ANKS1B: variants seen among roughly 807,000 people sequenced by gnomAD.
The protein encoded by ANKS1B is ankyrin repeat and sterile alpha motif domain containing 1B, also known as ankyrin repeat and sterile alpha motif domain-containing protein 1B.
Under a neutral mutation model 148.3 loss-of-function variants are expected in ANKS1B, and 36 were observed. That is an observed-to-expected ratio of 0.24 (90% CI 0.19 to 0.32). The LOEUF is 0.32. Among genes scored for constraint, ANKS1B ranks in the 10% least tolerant of loss-of-function variants. ANKS1B has a pLI of 1.00. For synonymous variants in ANKS1B, 542 were observed against 560.8 expected, an observed-to-expected ratio of 0.97 and a Z score of 0.47; for missense variants, 1,157 against 1,542.6, an observed-to-expected ratio of 0.75 and a Z score of 4.19.
rs534270577 is a variant in ANKS1B, at chr12:99,556,936, A to G, written c.1273-52295T>C. ...TATATTACATTGTTTTGGAGTGGAG[A>G]GTTCTGTAGATGTCTATTAAGTCCA... On this transcript the variant is annotated intron_variant, in intron 9 of 26. Coordinates refer to ENST00000683438, the MANE Select transcript of ANKS1B (RefSeq NM_001352186.2). 9.2e-5 allele frequency among the ~76,000 whole-genome samples: 14 copies of G among 152,222 alleles called. No homozygotes were observed. In the East Asian group the frequency reaches 2.7e-3, roughly 29 times the overall value.
intron 17 of ANKS1B, among the ~76,000 whole-genome samples, chr12:98,916,406 AG>A (rs2099794488): frequency 6.6e-6 from 1 of 152,240 alleles, no homozygotes; most frequent in Non-Finnish European, 1.5e-5. Flanking sequence ...GAGGTGGTGG[AG>A]GCGGCAGTCT....
chr12:99,701,057 A>G (rs976252836), intron 8 of ANKS1B, among the ~76,000 whole-genome samples: 1 of 152,190 alleles, frequency 6.6e-6, no homozygotes, highest in Non-Finnish European at 1.5e-5. Flanking sequence ...AAGAAACAAC[A>G]CATTATAGTT....
chr12:99,600,312 A>C (rs1272463767), intron 9 of ANKS1B, among the ~76,000 whole-genome samples: 1 of 151,982 alleles, frequency 6.6e-6, no homozygotes, highest in Non-Finnish European at 1.5e-5. Flanking sequence ...ATGAAAAATT[A>C]CCCTACCCCA....
chr12:99,686,002 T>TA (rs1326031268), intron 8 of ANKS1B, among the ~76,000 whole-genome samples: 2 of 152,030 alleles, frequency 1.3e-5, no homozygotes, highest in Admixed American at 6.6e-5. Flanking sequence ...GATTGAAAGA[T>TA]AAAAGACTAT....
intron 9 of ANKS1B, among the ~76,000 whole-genome samples, chr12:99,590,908 G>A (rs1292338145): frequency 6.6e-6 from 1 of 152,110 alleles, no homozygotes; most frequent in Non-Finnish European, 1.5e-5. Flanking sequence ...GATTTTACAT[G>A]TTTATTTTCT....
intron 17 of ANKS1B, among the ~76,000 whole-genome samples, chr12:98,936,300 TG>T (rs1440684583): frequency 6.6e-6 from 1 of 152,196 alleles, no homozygotes; most frequent in Non-Finnish European, 1.5e-5. Context: ...CCAAAGCCAA[TG>T]CTGTCTCCAT....
intron 11 of ANKS1B, among the ~76,000 whole-genome samples, chr12:99,442,349 A>AT (rs1567109223): frequency 6.6e-6 from 1 of 151,756 alleles, no homozygotes; most frequent in Non-Finnish European, 1.5e-5. Context: ...ATTTTTGAAA[A>AT]CATTTTTCTT....
At chr12:99,534,021 T>A (rs1169758287) in intron 9 of ANKS1B, among the ~76,000 whole-genome samples, 1 of 152,190 alleles carries the variant, frequency 6.6e-6, no homozygotes, top group Non-Finnish European at 1.5e-5. Context: ...TAAAAAACCC[T>A]CTTTGTAGTC....
intron 16 of ANKS1B, among the ~76,000 whole-genome samples, chr12:99,075,556 C>G (rs2047578478): frequency 6.6e-6 from 1 of 152,132 alleles, no homozygotes; most frequent in East Asian, 1.9e-4. Context: ...GCTGTCACTT[C>G]AACATTTATA....
intron 17 of ANKS1B, among the ~76,000 whole-genome samples, chr12:98,901,227 C>A (rs2099771542): frequency 6.6e-6 from 1 of 152,122 alleles, no homozygotes; most frequent in African/African-American, 2.4e-5. Context: ...ATGCAGGAAG[C>A]AGAAAATATA....
intron 17 of ANKS1B, among the ~76,000 whole-genome samples, chr12:98,890,621 G>T (rs2099750628): frequency 1.3e-5 from 2 of 152,188 alleles, no homozygotes; most frequent in Non-Finnish European, 2.9e-5. Context: ...CATACCACTT[G>T]TTGCAGTTAC....
intron 10 of ANKS1B, among the ~76,000 whole-genome samples, chr12:99,473,794 T>C (rs1212902843): frequency 1.3e-5 from 2 of 152,108 alleles, no homozygotes; most frequent in African/African-American, 2.4e-5. Flanking sequence ...CCTTACTTTG[T>C]AGTGCTTATA....
At chr12:99,521,318 T>G in intron 9 of ANKS1B, among the ~76,000 whole-genome samples, 1 of 152,236 alleles carries the variant, frequency 6.6e-6, no homozygotes, top group East Asian at 1.9e-4. Flanking sequence ...CTTTTGAGTT[T>G]CCTCAACACA....
intron 12 of ANKS1B, among the ~76,000 whole-genome samples, 183 bp downstream of exon 12, chr12:99,399,448 T>C (rs1423635918): frequency 1.3e-5 from 2 of 152,184 alleles, no homozygotes; most frequent in African/African-American, 4.8e-5. Flanking sequence ...CAAAAGGCCA[T>C]CCATGTATTC....
intron 9 of ANKS1B, among the ~76,000 whole-genome samples, chr12:99,539,091 G>A (rs924184782): frequency 9.9e-5 from 15 of 152,082 alleles, no homozygotes; most frequent in Non-Finnish European, 1.0e-4. Flanking sequence ...AATTTCACTT[G>A]ATCATGATGA....
chr12:99,660,417 G>A (rs2098471452), intron 8 of ANKS1B, among the ~76,000 whole-genome samples: 1 of 133,624 alleles, frequency 7.5e-6, no homozygotes, highest in Non-Finnish European at 1.5e-5. Flanking sequence ...AGGCTGCAGT[G>A]CAGTGGCACA....
At chr12:99,256,143 G>A (rs545344303) in intron 12 of ANKS1B, among the ~76,000 whole-genome samples, 6 of 151,362 alleles carry the variant, frequency 4.0e-5, no homozygotes, top group Non-Finnish European at 8.8e-5. Context: ...CTAGCTACTC[G>A]AGAGGTTGAA....
At chr12:99,583,408 C>A (rs1185166005) in intron 9 of ANKS1B, among the ~76,000 whole-genome samples, 3 of 152,110 alleles carry the variant, frequency 2.0e-5, no homozygotes, top group Non-Finnish European at 4.4e-5. Context: ...ATTTAAGATT[C>A]TCAGTGTGCT....
intron 12 of ANKS1B, among the ~76,000 whole-genome samples, chr12:99,298,952 C>T (rs770115708): frequency 4.6e-5 from 7 of 152,130 alleles, no homozygotes; most frequent in Non-Finnish European, 8.8e-5. Context: ...CATCAAATTT[C>T]GGTCTCTGTG....
Sources: allele counts gnomAD v4.1 joint callset (sites outside exome capture counted in the v4.1 genomes callset), GRCh38; gene constraint gnomAD v4.1.1; transcripts MANE v1.5; gene names NCBI Gene and HGNC (gene_info 2026-07-23, HGNC 2026-07-21).